Variants in SCN1A observed in about 807,000 individuals in gnomAD.
SCN1A encodes sodium channel protein type 1 subunit alpha.
SCN1A carries 13 observed loss-of-function variants against 193.7 expected under a neutral mutation model. The ratio of observed to expected loss-of-function variants is 0.07; its 90% CI spans 0.04 to 0.11. The LOEUF (loss-of-function observed/expected upper bound fraction) is 0.11. Ranked by LOEUF, SCN1A falls within the 10% of genes least tolerant of loss-of-function variation. SCN1A has a pLI of 1.00. For missense variants in SCN1A, 1,432 were observed against 2,451.1 expected, an observed-to-expected ratio of 0.58 and a Z score of 8.78; for synonymous variants, 781 against 843.6, an observed-to-expected ratio of 0.93 and a Z score of 1.29.
chr2:166,123,223 CAAAAAAAAAAAAAAAAAAAAA>C (rs57488795), intron 2 of SCN1A, among the ~76,000 whole-genome samples: 1,507 of 116,216 alleles, frequency 0.013, 44 homozygotes, highest in African/African-American at 0.036. Context: ...CATTCATTTG[CAAAAAAAAAAAAAAAAAAAAA>C]AAAAAAAAAA....
chr2:166,110,171 TA>T (rs35915725), intron 2 of SCN1A, among the ~76,000 whole-genome samples: 12,837 of 151,876 alleles, frequency 0.085, 614 homozygotes, highest in Middle Eastern at 0.24. Context: ...GCCATACAAA[TA>T]AAAAAAATTT....
intron 23 of SCN1A, among the ~76,000 whole-genome samples, chr2:166,003,555 C>T (rs1197143525): frequency 6.6e-6 from 1 of 150,892 alleles, no homozygotes; most frequent in African/African-American, 2.4e-5. Flanking sequence ...GGATGTTTTC[C>T]CCCTCTTTAC....
At chr2:166,090,309 G>T (rs1220632077) in intron 2 of SCN1A, among the ~76,000 whole-genome samples, 1 of 151,904 alleles carries the variant, frequency 6.6e-6, no homozygotes, top group Non-Finnish European at 1.5e-5. Flanking sequence ...GGGATGACAG[G>T]CATGAGCCAT....
intron 2 of SCN1A, among the ~76,000 whole-genome samples, chr2:166,078,228 G>T (rs1685166038): frequency 6.6e-6 from 1 of 151,604 alleles, no homozygotes; most frequent in Non-Finnish European, 1.5e-5. Flanking sequence ...CCTAAACACT[G>T]TCTCTAAAAT....
intron 2 of SCN1A, among the ~76,000 whole-genome samples, chr2:166,098,874 T>C (rs1687705094): frequency 6.6e-6 from 1 of 152,110 alleles, no homozygotes; most frequent in African/African-American, 2.4e-5. Context: ...CACACACAAA[T>C]AGAAAAACAT....
At chr2:166,096,037 A>T (rs901709769) in intron 2 of SCN1A, among the ~76,000 whole-genome samples, 2 of 152,120 alleles carry the variant, frequency 1.3e-5, no homozygotes, top group South Asian at 2.1e-4. Context: ...ATAATGTCCC[A>T]CTCCAGTTTT....
At chr2:166,026,744 C>T (rs1422978938) in intron 19 of SCN1A, among the ~76,000 whole-genome samples, 8 of 129,684 alleles carry the variant, frequency 6.2e-5, no homozygotes, top group Admixed American at 1.9e-4. Context: ...AGTGCAGTGG[C>T]GTGATCTCGG....
intron 2 of SCN1A, among the ~76,000 whole-genome samples, chr2:166,087,531 T>C (rs1686272644): frequency 6.6e-6 from 1 of 152,224 alleles, no homozygotes; most frequent in African/African-American, 2.4e-5. Flanking sequence ...CCATGTGGTC[T>C]CTACCCCACA....
intron 23 of SCN1A, among the ~76,000 whole-genome samples, chr2:166,009,055 A>G (rs1419183437): frequency 1.3e-5 from 2 of 151,062 alleles, no homozygotes; most frequent in Non-Finnish European, 3.0e-5. Context: ...AGGTTAATGT[A>G]TAAATTACCT....
intron 2 of SCN1A, among the ~76,000 whole-genome samples, chr2:166,082,297 C>T (rs1053035587): frequency 1.3e-5 from 2 of 152,012 alleles, no homozygotes; most frequent in African/African-American, 2.4e-5. Context: ...GGTTACGCAG[C>T]TTATTAATGG....
chr2:166,065,996 G>C (rs779079210), intron 4 of SCN1A, among the ~76,000 whole-genome samples: 2 of 152,096 alleles, frequency 1.3e-5, no homozygotes, highest in Non-Finnish European at 2.9e-5. Flanking sequence ...AAACATTGTT[G>C]CCATATGCTC....
chr2:165,993,927 C>T (rs1408884145), intron 28 of SCN1A: 1 of 579,968 alleles, frequency 1.7e-6, no homozygotes. Context: ...GGTTTTACTA[C>T]ATTTACACTA....
At chr2:166,118,767 C>T (rs990701165) in intron 2 of SCN1A, among the ~76,000 whole-genome samples, 15 of 152,128 alleles carry the variant, frequency 9.9e-5, no homozygotes, top group Admixed American at 9.2e-4. Flanking sequence ...ATGTATGTGA[C>T]AGAATTCTCT....
intron 2 of SCN1A, among the ~76,000 whole-genome samples, chr2:166,108,920 C>A (rs1429185353): frequency 1.3e-5 from 2 of 152,096 alleles, no homozygotes; most frequent in Non-Finnish European, 2.9e-5. Flanking sequence ...AAGCACTGAA[C>A]TAACAAGGAG....
chr2:165,997,794 T>C (rs1039146812), intron 26 of SCN1A, among the ~76,000 whole-genome samples: 2 of 151,256 alleles, frequency 1.3e-5, no homozygotes, highest in Admixed American at 6.6e-5. Flanking sequence ...AAAATGTTTC[T>C]TGATAATGAA....
intron 4 of SCN1A, among the ~76,000 whole-genome samples, chr2:166,072,187 A>G (rs1684498952): frequency 6.6e-6 from 1 of 152,228 alleles, no homozygotes; most frequent in Admixed American, 6.5e-5. Flanking sequence ...TTACTTAATT[A>G]CAATCTTTGT....
chr2:166,026,654 A>T (rs1311007846), intron 19 of SCN1A, among the ~76,000 whole-genome samples: 1 of 149,794 alleles, frequency 6.7e-6, no homozygotes, highest in Non-Finnish European at 1.5e-5. Context: ...TTAGAGATTA[A>T]TGGAATATTT....
intron 2 of SCN1A, among the ~76,000 whole-genome samples, chr2:166,090,213 G>T (rs1033806667): frequency 3.3e-5 from 5 of 151,300 alleles, no homozygotes; most frequent in Admixed American, 6.6e-5. Flanking sequence ...TTAAACTTTC[G>T]TACAGGCAGT....
At chr2:166,130,085 C>A (rs1691597940), upstream of SCN1A, among the ~76,000 whole-genome samples, 1 of 152,180 alleles carries the variant, frequency 6.6e-6, no homozygotes, top group Admixed American at 6.6e-5. Flanking sequence ...CTGTTTCCAT[C>A]TCCAGTCTAC....
Sources: gnomAD v4.1 joint callset for allele counts (sites outside exome capture counted in the v4.1 genomes callset) on GRCh38, gnomAD v4.1.1 for gene constraint, MANE v1.5 for transcripts, NCBI Gene and HGNC (gene_info 2026-07-23, HGNC 2026-07-21) for gene names.